The following USP30 variants were observed in gnomAD, a reference collection of about 807,000 sequenced individuals.
USP30 encodes ubiquitin carboxyl-terminal hydrolase 30.
Under a neutral mutation model 68.2 loss-of-function variants are expected in USP30, and 41 were observed. The ratio of observed to expected loss-of-function variants is 0.60; its 90% CI spans 0.47 to 0.78. The LOEUF is 0.78. Among genes scored for constraint, USP30 ranks in the 30% least tolerant of loss-of-function variants. The pLI, the probability that USP30 is intolerant of heterozygous loss-of-function variation, is 0.00. For missense variants in USP30, 522 were observed against 649.4 expected (o/e 0.80, Z 2.13); for synonymous variants, 229 against 253.7 (o/e 0.90, Z 0.93).
chr12:109,067,692 C>T, intron 4 of USP30, 65 bp downstream of exon 4: 1 of 1,419,518 alleles, frequency 7.0e-7, no homozygotes, highest in Non-Finnish European at 9.9e-7. Flanking sequence ...TGGGGCCTGA[C>T]CTTAAAATTG....
In USP30 at chr12:109,082,740, G is replaced by A. The variant is rs750142406; in HGVS notation, c.945G>A (p.Gly315=). 7.4e-6 allele frequency: 12 copies of A among 1,613,818 alleles called. No homozygotes were observed. In the Admixed American group the frequency reaches 1.0e-4, roughly 13 times the overall value. The change falls in exon 10 of 13, where the codon GGG becomes GGA. Residue 315 remains glycine (G), a synonymous_variant. Transcript: ENST00000257548. ...CTTTTGTTAAACAGTTAAAACTAGG[G>A]AAGGTGAGCCCACACTACACACCCT... ...RTTFVKQLKL[G]KLPQCLCIHL... is the part of the protein sequence containing the mutation.
upstream of USP30, among the ~76,000 whole-genome samples, chr12:109,050,487 T>C (rs924477701): frequency 6.6e-6 from 1 of 152,172 alleles, no homozygotes; most frequent in Admixed American, 6.5e-5. Context: ...TTGATTTCTT[T>C]TGTTTTGTTT....
intron 2 of USP30, among the ~76,000 whole-genome samples, chr12:109,057,006 T>G (rs940418390): frequency 2.0e-5 from 3 of 152,226 alleles, no homozygotes; most frequent in Non-Finnish European, 4.4e-5. Flanking sequence ...AGACTGGAGT[T>G]GGAGGCATGC....
At chr12:109,033,243 G>A (rs2040495351) in intron 3 of USP30, among the ~76,000 whole-genome samples, 1 of 152,200 alleles carries the variant, frequency 6.6e-6, no homozygotes, top group Admixed American at 6.5e-5. Context: ...ATACTTCAAG[G>A]CATACCCATA....
rs2041444754 is a variant in USP30 at position 109,071,604 on chromosome 12, TATGAC to T, written c.481-6_481-2del. The T allele has an allele frequency of 6.2e-7, 1 of 1,613,518 alleles. No homozygotes were observed. The highest frequency in any genetic ancestry group is 1.3e-5 in the African/African-American group (1 of 74,932). ...AACCTCTCTAAAGAATGCTTTGCCC[TATGAC>T]AGGATGCTCACGAATTATTCCATGT... On this transcript the variant is annotated splice_polypyrimidine_tract_variant and splice_region_variant and intron_variant, in intron 4 of 12. Coordinates refer to ENST00000257548, the MANE Select transcript of USP30 (RefSeq NM_032663.5).
At chr12:109,059,899 G>A (rs750116731) in intron 3 of USP30, 13 of 152,152 alleles carry the variant, frequency 8.5e-5, no homozygotes, top group Non-Finnish European at 1.6e-4. Context: ...TATACAGAGT[G>A]CAATGTATGC....
intron 7 of USP30, among the ~76,000 whole-genome samples, chr12:109,074,650 C>T (rs774147033): frequency 1.3e-5 from 2 of 151,916 alleles, no homozygotes; most frequent in African/African-American, 2.4e-5. Flanking sequence ...GAGATCTAAT[C>T]GACAATAAAA....
Position 109,056,712 on chromosome 12 carries a change from A to G in USP30, c.114A>G (p.Ile38Met). Reference protein sequence around the residue: ...RYKVMKNWGVIGGIAAALAAG... With the variant: ...RYKVMKNWGVMGGIAAALAAG... Reference sequence around the variant, plus strand: ...AAGTCATGAAGAACTGGGGAGTTATAGGTGGAATTGCTGCTGCTCTTGCAG... The same window carrying G: ...AAGTCATGAAGAACTGGGGAGTTATGGGTGGAATTGCTGCTGCTCTTGCAG... The change falls in exon 2 of 13, where the codon ATA (isoleucine) becomes ATG (methionine). Residue 38 changes from isoleucine (I) to methionine (M), a missense_variant. Coordinates refer to ENST00000257548, the MANE Select transcript of USP30 (RefSeq NM_032663.5). 6.2e-7 allele frequency: 1 copy of G among 1,612,186 alleles called. No individual in the cohort carries two copies. Among genetic ancestry groups the G allele is most frequent in the Non-Finnish European group, 8.5e-7 (1 of 1,179,454 alleles).
chr12:109,071,279 T>A (rs2041431171), intron 4 of USP30, among the ~76,000 whole-genome samples: 1 of 152,206 alleles, frequency 6.6e-6, no homozygotes, highest in Non-Finnish European at 1.5e-5. Flanking sequence ...TTATGATATG[T>A]GTATTTTACC....
intron 3 of USP30, among the ~76,000 whole-genome samples, chr12:109,060,285 T>C (rs1593251443): frequency 1.3e-5 from 2 of 152,328 alleles, no homozygotes; most frequent in African/African-American, 2.4e-5. Flanking sequence ...TGTGCAGTCA[T>C]TGGTAATTTT....
intron 1 of USP30, chr12:109,054,162 T>C (rs772780348): frequency 9.9e-4 from 416 of 418,950 alleles, no homozygotes; most frequent in Non-Finnish European, 1.0e-3. Flanking sequence ...TTATAATCTT[T>C]CCAGGCACTT....
At chr12:109,072,263 T>C (rs765103324) in intron 5 of USP30, 42 bp from the exon 6 acceptor site, 29 of 1,587,264 alleles carry the variant, frequency 1.8e-5, no homozygotes, top group Non-Finnish European at 2.4e-5. Context: ...AAAGGGATTA[T>C]AGTAAGGTTT....
chr12:109,085,577 C>G, intron 12 of USP30, 90 bp from the exon 13 acceptor site: 1 of 1,473,542 alleles, frequency 6.8e-7, no homozygotes, highest in Non-Finnish European at 9.3e-7. Context: ...TTGTATTCAT[C>G]CCCTATTTAA....
chr12:109,030,741 G>A (rs1166892813), intron 3 of USP30, among the ~76,000 whole-genome samples: 1 of 152,008 alleles, frequency 6.6e-6, no homozygotes, highest in Non-Finnish European at 1.5e-5. Flanking sequence ...TAAGTCCCCC[G>A]ACTAACTGGG....
At chr12:109,031,129 A>G (rs1249249947) in intron 3 of USP30, among the ~76,000 whole-genome samples, 1 of 152,240 alleles carries the variant, frequency 6.6e-6, no homozygotes, top group African/African-American at 2.4e-5. Context: ...CCATCTTAAT[A>G]TAGTATATTT....
chr12:109,075,008 C>T (rs55676204), intron 7 of USP30, among the ~76,000 whole-genome samples: 9,061 of 152,246 alleles, frequency 0.06, 362 homozygotes, highest in East Asian at 0.14. Flanking sequence ...TAGCAGATGT[C>T]CTCCAGGTTC....
chr12:109,051,683 C>T (rs1309204589), upstream of USP30, among the ~76,000 whole-genome samples: 2 of 151,416 alleles, frequency 1.3e-5, no homozygotes, highest in Non-Finnish European at 2.9e-5. Context: ...AATTCTCCTG[C>T]CTCAGCCTCC....
intron 3 of USP30, among the ~76,000 whole-genome samples, chr12:109,034,019 C>T (rs73413046): frequency 0.03 from 4,631 of 152,134 alleles, 249 homozygotes; most frequent in African/African-American, 0.11. Flanking sequence ...CCCAGAGGGC[C>T]GTAACATAAA....
chr12:109,023,764 C>G (rs2040424536), intron 1 of USP30, among the ~76,000 whole-genome samples: 1 of 150,032 alleles, frequency 6.7e-6, no homozygotes, highest in South Asian at 2.2e-4. Flanking sequence ...TCCCAAGTAC[C>G]TGGGATTACA....
Sources: gnomAD v4.1 joint callset for allele counts (sites outside exome capture counted in the v4.1 genomes callset) on GRCh38, gnomAD v4.1.1 for gene constraint, MANE v1.5 for transcripts, NCBI Gene and HGNC (gene_info 2026-07-23, HGNC 2026-07-21) for gene names.